The following FHOD3 variants were observed in gnomAD, a reference collection of about 807,000 sequenced individuals.
The protein encoded by FHOD3 is FH1/FH2 domain-containing protein 3.
A neutral mutation model predicts 173.0 loss-of-function variants in FHOD3; 90 were observed. That is an observed-to-expected ratio of 0.52 (90% CI 0.44 to 0.62). FHOD3 has a LOEUF of 0.62. Among genes scored for constraint, FHOD3 ranks in the 20% least tolerant of loss-of-function variants. FHOD3 has a pLI of 0.00. For missense variants in FHOD3, 1,945 were observed against 2,034.7 expected (o/e 0.96, Z 0.85); for synonymous variants, 828 against 823.0 (o/e 1.01, Z -0.10).
intron 5 of FHOD3, among the ~76,000 whole-genome samples, chr18:36,519,342 G>A (rs996552869): frequency 1.3e-5 from 2 of 152,204 alleles, no homozygotes; most frequent in African/African-American, 4.8e-5. Flanking sequence ...TGGCCCCACT[G>A]TTCCTCCTGG....
intron 16 of FHOD3, among the ~76,000 whole-genome samples, chr18:36,690,403 G>A (rs1227334816): frequency 6.6e-6 from 1 of 152,182 alleles, no homozygotes; most frequent in Non-Finnish European, 1.5e-5. Context: ...TGTGGATTGA[G>A]TGTGGCTTCG....
At chr18:36,414,763 C>T (rs750635539) in intron 3 of FHOD3, among the ~76,000 whole-genome samples, 1 of 152,156 alleles carries the variant, frequency 6.6e-6, no homozygotes, top group Non-Finnish European at 1.5e-5. Flanking sequence ...GGAGTTTTAA[C>T]CCTCACAGCC....
chr18:36,399,102 C>T lies in FHOD3; in HGVS notation c.337+26358C>T, dbSNP rs150507532. On this transcript the variant is annotated intron_variant, in intron 3 of 28. Transcript: ENST00000590592. Reference sequence around the variant, plus strand: ...CTGACATCAAGCAAGCAGAGATCTACGCCACCCTTCCAGGAAGGGGACACT... The same window carrying T: ...CTGACATCAAGCAAGCAGAGATCTATGCCACCCTTCCAGGAAGGGGACACT... Among the ~76,000 whole-genome samples the T allele has an allele frequency of 5.3e-3, 800 of 152,264 alleles. 1 individual carries two copies. The highest frequency in any genetic ancestry group is 7.8e-3 in the African/African-American group (325 of 41,548).
chr18:36,581,977 G>T (rs2058869424), intron 6 of FHOD3, among the ~76,000 whole-genome samples: 1 of 152,132 alleles, frequency 6.6e-6, no homozygotes, highest in Admixed American at 6.6e-5. Context: ...GACATTTTGA[G>T]GACTAGCCTT....
intron 5 of FHOD3, among the ~76,000 whole-genome samples, chr18:36,549,742 G>A (rs1481030732): frequency 6.7e-6 from 1 of 149,314 alleles, no homozygotes; most frequent in Non-Finnish European, 1.5e-5. Context: ...TAGAGATGGG[G>A]TTTCATGGTG....
chr18:36,647,312 C>T (rs1015162029), intron 10 of FHOD3, among the ~76,000 whole-genome samples: 1 of 152,118 alleles, frequency 6.6e-6, no homozygotes, highest in Non-Finnish European at 1.5e-5. Flanking sequence ...TTGGACACTT[C>T]AAAGAAGAGC....
intron 14 of FHOD3, among the ~76,000 whole-genome samples, chr18:36,671,859 A>C (rs995232941): frequency 2.0e-5 from 3 of 152,212 alleles, no homozygotes; most frequent in Non-Finnish European, 4.4e-5. Flanking sequence ...GCCGTGCCAG[A>C]AACAATGTTC....
chr18:36,576,371 TCTTGATCAGCATTATGATCA>T, intron 5 of FHOD3, 60 bp from the exon 6 acceptor site: 1 of 985,994 alleles, frequency 1.0e-6, no homozygotes, highest in Non-Finnish European at 1.5e-6. Context: ...AGTATGAAAA[TCTTGATCAGCATTATGATCA>T]CTGAAGATTA....
At chr18:36,316,596 C>T (rs557037197) in intron 1 of FHOD3, among the ~76,000 whole-genome samples, 25 of 152,240 alleles carry the variant, frequency 1.6e-4, no homozygotes, top group African/African-American at 2.9e-4. Context: ...TAGTAGTTTC[C>T]GATCAGTTTA....
intron 3 of FHOD3, among the ~76,000 whole-genome samples, chr18:36,458,467 A>G (rs1034647823): frequency 2.0e-4 from 31 of 152,062 alleles, no homozygotes; most frequent in African/African-American, 7.0e-4. Flanking sequence ...TGTGCATATC[A>G]TGGGTTGCCA....
intron 3 of FHOD3, among the ~76,000 whole-genome samples, chr18:36,386,207 C>A (rs1022420783): frequency 1.3e-5 from 2 of 152,180 alleles, no homozygotes; most frequent in Non-Finnish European, 2.9e-5. Context: ...AGTATCTGGA[C>A]AGCTTTTTAT....
intron 6 of FHOD3, among the ~76,000 whole-genome samples, chr18:36,592,262 G>A (rs535499733): frequency 6.6e-6 from 1 of 152,254 alleles, no homozygotes; most frequent in South Asian, 2.1e-4. Flanking sequence ...TGACCAAGGG[G>A]CTCCTTTAAG....
intron 3 of FHOD3, among the ~76,000 whole-genome samples, chr18:36,418,346 G>A (rs1732354021): frequency 6.6e-6 from 1 of 152,208 alleles, no homozygotes; most frequent in African/African-American, 2.4e-5. Context: ...GGGGTGGAAA[G>A]TTTGAATACA....
At chr18:36,412,166 G>T (rs1024631917) in intron 3 of FHOD3, among the ~76,000 whole-genome samples, 2 of 152,224 alleles carry the variant, frequency 1.3e-5, no homozygotes, top group Non-Finnish European at 2.9e-5. Context: ...TGCTTTAGGG[G>T]ATGGGTTGCA....
At chr18:36,584,154 A>T (rs1405076155) in intron 6 of FHOD3, among the ~76,000 whole-genome samples, 1 of 145,296 alleles carries the variant, frequency 6.9e-6, no homozygotes, top group Non-Finnish European at 1.5e-5. Flanking sequence ...CTTTGTATAA[A>T]TGGCTTCATT....
intron 28 of FHOD3, among the ~76,000 whole-genome samples, chr18:36,774,181 T>G (rs752536510): frequency 1.3e-5 from 2 of 152,240 alleles, no homozygotes; most frequent in Non-Finnish European, 2.9e-5. Flanking sequence ...TTTAACTGAC[T>G]GCCTTCTGTT....
intron 10 of FHOD3, among the ~76,000 whole-genome samples, chr18:36,628,483 T>G (rs1340425846): frequency 1.3e-5 from 2 of 152,236 alleles, no homozygotes; most frequent in African/African-American, 4.8e-5. Flanking sequence ...TTAGTCTCCC[T>G]GTAGACTTAA....
intron 3 of FHOD3, among the ~76,000 whole-genome samples, chr18:36,433,193 CAAT>C (rs2050642612): frequency 6.6e-6 from 1 of 152,190 alleles, no homozygotes; most frequent in Non-Finnish European, 1.5e-5. Flanking sequence ...AACCTAGTCA[CAAT>C]GATGATATCT....
At chr18:36,765,726 C>T (rs537593267) in intron 27 of FHOD3, among the ~76,000 whole-genome samples, 1 of 152,160 alleles carries the variant, frequency 6.6e-6, no homozygotes, top group African/African-American at 2.4e-5. Context: ...AGAGACTGAT[C>T]ACAGCAAAAG....
Sources: gnomAD v4.1 joint callset for allele counts (sites outside exome capture counted in the v4.1 genomes callset) on GRCh38, gnomAD v4.1.1 for gene constraint, MANE v1.5 for transcripts, NCBI Gene and HGNC (gene_info 2026-07-23, HGNC 2026-07-21) for gene names.